Variants in TMED10 observed in about 807,000 individuals in gnomAD.
TMED10 encodes transmembrane emp24 domain-containing protein 10.
TMED10 carries 7 observed loss-of-function variants against 23.1 expected under a neutral mutation model. The ratio of observed to expected loss-of-function variants is 0.30; its 90% CI spans 0.17 to 0.57. The LOEUF is 0.57. TMED10 is among the 20% of genes least tolerant of loss of function. The pLI is 0.91. For missense variants in TMED10, 162 were observed against 274.8 expected, an observed-to-expected ratio of 0.59 and a Z score of 2.90; for synonymous variants, 113 against 106.9, an observed-to-expected ratio of 1.06 and a Z score of -0.35.
chr14:75,143,930 T>C (rs1356712899), intron 3 of TMED10, among the ~76,000 whole-genome samples: 1 of 64,978 alleles, frequency 1.5e-5, no homozygotes, highest in Non-Finnish European at 3.6e-5. Context: ...TGATACTCTG[T>C]CTCAAAAAAA....
rs1895792742 is a variant in TMED10, at chr14:75,139,251, C to CT, written c.412-3366dup. The CT allele has an allele frequency of 7.9e-6, 3 of 381,600 alleles. No individual in the cohort carries two copies. The East Asian group carries it at 2.5e-4, about 31-fold the overall frequency. 23.6% of individuals were successfully genotyped at this position (381,600 alleles called of 1,614,324 possible). On this transcript the variant is annotated intron_variant, in intron 3 of 4. Coordinates refer to ENST00000303575, the MANE Select transcript of TMED10 (RefSeq NM_006827.6). ...GCATACTACACACATTGTTCTATAG[C>CT]TTTTTTCCATTTAGTAAGATCTTTC...
intron 1 of TMED10, among the ~76,000 whole-genome samples, chr14:75,163,761 C>T (rs931941116): frequency 6.6e-6 from 1 of 151,770 alleles, no homozygotes; most frequent in African/African-American, 2.4e-5. Flanking sequence ...AAAATAAGGA[C>T]AACAGTTGTA....
intron 4 of TMED10, 27 bp from the exon 5 acceptor site, chr14:75,135,033 C>G (rs773269906): frequency 6.2e-7 from 1 of 1,612,602 alleles, no homozygotes; most frequent in Admixed American, 1.7e-5. Flanking sequence ...GCATTGTAAA[C>G]ATAATGAAGT....
At chr14:75,176,084 A>AT in intron 1 of TMED10, 1 of 528,318 alleles carries the variant, frequency 1.9e-6, no homozygotes, top group Middle Eastern at 5.2e-4. Flanking sequence ...CAAAACTGGT[A>AT]TAGGACGTTG....
chr14:75,153,862 C>T (rs537237243), intron 1 of TMED10, among the ~76,000 whole-genome samples: 6 of 148,130 alleles, frequency 4.1e-5, no homozygotes, highest in East Asian at 2.1e-4. Context: ...CTCCGCCTCC[C>T]GGGTTCAGGT....
intron 2 of TMED10, among the ~76,000 whole-genome samples, chr14:75,149,062 G>A (rs1448805483): frequency 2.0e-5 from 3 of 151,988 alleles, no homozygotes; most frequent in African/African-American, 2.4e-5. Context: ...GACTACAGGC[G>A]TGAGCCACCA....
At chr14:75,147,853 G>A in intron 2 of TMED10, 116 bp from the exon 3 acceptor site, 1 of 905,872 alleles carries the variant, frequency 1.1e-6, no homozygotes, top group East Asian at 2.8e-5. Context: ...GAGGGAAACA[G>A]CCACAACTCC....
At chr14:75,157,724 G>C (rs985858697) in intron 1 of TMED10, among the ~76,000 whole-genome samples, 5 of 152,228 alleles carry the variant, frequency 3.3e-5, no homozygotes, top group African/African-American at 1.2e-4. Context: ...TGGATCACCT[G>C]AGGTCAGGTG....
At position 75,132,636 on chromosome 14, in the gene TMED10, G is replaced by A. The variant is rs2139826740; in HGVS notation, c.*2249C>T. ...TATGCCACAGGAGAGGAAGACACAAGGAGTCAAAAGGGGGAAAAAAAAAGT... is the reference window on the plus strand; with the variant it reads ...TATGCCACAGGAGAGGAAGACACAAAGAGTCAAAAGGGGGAAAAAAAAAGT... On this transcript the variant is annotated 3_prime_UTR_variant, in exon 5 of 5. Coordinates refer to ENST00000303575, the MANE Select transcript of TMED10 (RefSeq NM_006827.6). 6.6e-6 allele frequency: 1 copy of A among 152,208 alleles called. No homozygotes were observed. The highest frequency in any genetic ancestry group is 1.9e-4 in the East Asian group (1 of 5,178). The allele number at this position is 152,208 out of a possible 1,614,324, so 9.4% of individuals were successfully genotyped here.
rs1389280848 is a variant in TMED10, at chr14:75,168,795, A to G, written c.225+7560T>C. 3.9e-5 allele frequency among the ~76,000 whole-genome samples: 6 copies of G among 152,244 alleles called. No individual in the cohort carries two copies. The South Asian group carries it at 1.2e-3, about 31-fold the overall frequency. On this transcript the variant is annotated intron_variant, in intron 1 of 4. Coordinates refer to ENST00000303575, the MANE Select transcript of TMED10 (RefSeq NM_006827.6). Reference sequence around the variant, plus strand: ...TACAACAATGTGTACGTTAAACTAAAGACACAAAGATGAGTAAGACATTAA... The same window carrying G: ...TACAACAATGTGTACGTTAAACTAAGGACACAAAGATGAGTAAGACATTAA...
chr14:75,171,360 A>AT (rs997300418), intron 1 of TMED10, among the ~76,000 whole-genome samples: 6 of 151,820 alleles, frequency 4.0e-5, no homozygotes, highest in Non-Finnish European at 8.8e-5. Flanking sequence ...GCTCACTACA[A>AT]TCTCCGCCTC....
chr14:75,170,741 G>T (rs1336480513), intron 1 of TMED10, among the ~76,000 whole-genome samples: 1 of 152,168 alleles, frequency 6.6e-6, no homozygotes, highest in Non-Finnish European at 1.5e-5. Context: ...AATAAATTCT[G>T]CATTTATCCT....
intron 3 of TMED10, among the ~76,000 whole-genome samples, chr14:75,143,555 T>C (rs1895848364): frequency 1.3e-5 from 2 of 152,208 alleles, no homozygotes. Flanking sequence ...AGTAGTTTGC[T>C]GCCTCCATGC....
At chr14:75,144,078 T>G (rs1895854444) in intron 3 of TMED10, among the ~76,000 whole-genome samples, 1 of 152,166 alleles carries the variant, frequency 6.6e-6, no homozygotes, top group Non-Finnish European at 1.5e-5. Context: ...TATAGATTGA[T>G]AGCAAATGAC....
chr14:75,134,484 C>T lies in TMED10; in HGVS notation c.*401G>A, dbSNP rs1339385199. On this transcript the variant is annotated 3_prime_UTR_variant, in exon 5 of 5. Coordinates refer to ENST00000303575, the MANE Select transcript of TMED10 (RefSeq NM_006827.6). ...AATCCAAATGAAGTCAACATGGTCACACAAAAATCTTGGTAAAAGAACTAG... is the reference window on the plus strand; with the variant it reads ...AATCCAAATGAAGTCAACATGGTCATACAAAAATCTTGGTAAAAGAACTAG... 1 of 162,630 alleles carries T rather than the reference C, an allele frequency of 6.1e-6. No homozygotes were observed. Among genetic ancestry groups the T allele is most frequent in the Non-Finnish European group, 1.4e-5 (1 of 73,836 alleles). The allele number at this position is 162,630 out of a possible 1,614,324, so 10.1% of individuals were successfully genotyped here.
At chr14:75,147,546 A>G in intron 3 of TMED10, 118 bp downstream of exon 3, 1 of 1,059,784 alleles carries the variant, frequency 9.4e-7, no homozygotes, top group Non-Finnish European at 1.5e-6. Flanking sequence ...GGCTGTCACA[A>G]GACTGCTAAG....
intron 1 of TMED10, among the ~76,000 whole-genome samples, chr14:75,163,530 G>A (rs1288094368): frequency 6.9e-6 from 1 of 145,048 alleles, no homozygotes; most frequent in African/African-American, 2.6e-5. Context: ...TCCAGCCTGG[G>A]CGACAGAGTG....
At chr14:75,147,957 C>T (rs1895909357) in intron 2 of TMED10, 2 of 588,556 alleles carry the variant, frequency 3.4e-6, no homozygotes, top group South Asian at 3.9e-5. Context: ...CGGAAAGCAA[C>T]AAGAACATGC....
intron 1 of TMED10, among the ~76,000 whole-genome samples, chr14:75,168,690 A>G (rs549002374): frequency 5.9e-5 from 9 of 152,318 alleles, no homozygotes; most frequent in African/African-American, 1.9e-4. Context: ...TGGGATCTGA[A>G]CCAAATCTAT....
Sources: gnomAD v4.1 joint callset for allele counts (sites outside exome capture counted in the v4.1 genomes callset) on GRCh38, gnomAD v4.1.1 for gene constraint, MANE v1.5 for transcripts, NCBI Gene and HGNC (gene_info 2026-07-23, HGNC 2026-07-21) for gene names.